Variants in SETBP1 observed in about 807,000 individuals in gnomAD.
SETBP1 encodes the protein SET-binding protein.
In SETBP1, 9 loss-of-function variants were observed where a neutral mutation model predicts 101.0. The observed-to-expected ratio is 0.09, with a 90% confidence interval of 0.05 to 0.16. SETBP1 has a LOEUF of 0.16. Ranked by LOEUF, SETBP1 falls within the 10% of genes least tolerant of loss-of-function variation. The pLI is 1.00. For synonymous variants in SETBP1, 818 were observed against 788.5 expected, an observed-to-expected ratio of 1.04 and a Z score of -0.63; for missense variants, 1,858 against 2,033.8, an observed-to-expected ratio of 0.91 and a Z score of 1.66.
At position 44,952,034 on chromosome 18, in the gene SETBP1, C is replaced by T; in HGVS notation, c.2694C>T (p.Ser898=). ...GGAGGTACTCTTTTGATTTCTGCTCCCTGGACAACCCGGAGGCCATTCCGT... is the reference window on the plus strand; with the variant it reads ...GGAGGTACTCTTTTGATTTCTGCTCTCTGGACAACCCGGAGGCCATTCCGT... ...SRRRYSFDFC[S]LDNPEAIPSD... is the part of the protein sequence containing the mutation. The change falls in exon 4 of 6, where the codon TCC becomes TCT. Residue 898 remains serine (S), a synonymous_variant. Transcript: ENST00000649279. 1 of 1,614,068 alleles carries T rather than the reference C, an allele frequency of 6.2e-7. No homozygotes were observed. The highest frequency in any genetic ancestry group is 8.5e-7 in the Non-Finnish European group (1 of 1,180,018).
rs146657346 is a variant in SETBP1, at chr18:44,996,244, C to A, written c.4001-42241C>A. On this transcript the variant is annotated intron_variant, in intron 4 of 5. Transcript: ENST00000649279. ...ATAGCCAGGAGCAATATTTGCTGGG[C>A]ACATGAAAAGTCTTCTCCAAAGAAT... Among the ~76,000 whole-genome samples the A allele has an allele frequency of 3.6e-3, 551 of 152,304 alleles. 2 individuals are homozygous for A. The highest frequency in any genetic ancestry group is 5.8e-3 in the Non-Finnish European group (398 of 68,036).
At chr18:44,945,018 C>T (rs532712862) in intron 3 of SETBP1, among the ~76,000 whole-genome samples, 198 of 151,976 alleles carry the variant, frequency 1.3e-3, no homozygotes, top group African/African-American at 4.6e-3. Flanking sequence ...TTTTTTTATA[C>T]TTTTAAGTTC....
At chr18:44,827,511 T>C (rs10502844) in intron 2 of SETBP1, among the ~76,000 whole-genome samples, 18,083 of 152,234 alleles carry the variant, frequency 0.12, 1,205 homozygotes, top group East Asian at 0.19. Flanking sequence ...ATTTCTTCAT[T>C]GCAACATATA....
At chr18:44,866,010 C>T (rs1354668988) in intron 2 of SETBP1, among the ~76,000 whole-genome samples, 2 of 152,234 alleles carry the variant, frequency 1.3e-5, no homozygotes, top group South Asian at 2.1e-4. Flanking sequence ...TGCACTAACA[C>T]ATCTGAACTG....
intron 4 of SETBP1, among the ~76,000 whole-genome samples, chr18:45,032,039 G>T (rs1215717124): frequency 2.0e-5 from 3 of 152,082 alleles, no homozygotes; most frequent in Non-Finnish European, 2.9e-5. Context: ...CCCTCCTTCT[G>T]CTTCTAGTTG....
At chr18:44,797,270 A>G (rs1278248030) in intron 2 of SETBP1, among the ~76,000 whole-genome samples, 1 of 152,180 alleles carries the variant, frequency 6.6e-6, no homozygotes, top group African/African-American at 2.4e-5. Flanking sequence ...ATATGTTTAA[A>G]TTTTTGAATA....
chr18:45,029,841 G>A (rs1039027500), intron 4 of SETBP1, among the ~76,000 whole-genome samples: 6 of 152,086 alleles, frequency 3.9e-5, no homozygotes, highest in Non-Finnish European at 8.8e-5. Context: ...GAATGCTTGT[G>A]ATTTTAGTAC....
intron 2 of SETBP1, among the ~76,000 whole-genome samples, chr18:44,818,264 T>G (rs912751158): frequency 2.0e-5 from 3 of 152,172 alleles, no homozygotes; most frequent in African/African-American, 7.2e-5. Context: ...AGAAAGGAAT[T>G]TATTCATGTC....
At chr18:44,733,920 T>A (rs573173555) in intron 2 of SETBP1, among the ~76,000 whole-genome samples, 1 of 152,264 alleles carries the variant, frequency 6.6e-6, no homozygotes, top group East Asian at 1.9e-4. Flanking sequence ...AATCCACAGA[T>A]GTGTGGCTGA....
chr18:44,696,316 A>G (rs2069017257), intron 1 of SETBP1, among the ~76,000 whole-genome samples: 1 of 152,202 alleles, frequency 6.6e-6, no homozygotes, highest in Non-Finnish European at 1.5e-5. Flanking sequence ...AGGGGTAATC[A>G]TATAGACCAG....
chr18:45,054,679 C>T (rs1003209524), intron 5 of SETBP1, among the ~76,000 whole-genome samples: 3 of 152,156 alleles, frequency 2.0e-5, no homozygotes, highest in African/African-American at 7.2e-5. Context: ...TCAGGACTGC[C>T]AAAATCTGGC....
chr18:44,779,632 G>A (rs1032041027), intron 2 of SETBP1, among the ~76,000 whole-genome samples: 3 of 152,132 alleles, frequency 2.0e-5, no homozygotes, highest in Admixed American at 6.5e-5. Context: ...GAGAGAGAAA[G>A]GTGGCTTACC....
At position 44,973,600 on chromosome 18, in the gene SETBP1, C is replaced by G. The variant is rs368205546; in HGVS notation, c.4000+20260C>G. 9.2e-5 allele frequency among the ~76,000 whole-genome samples: 14 copies of G among 152,156 alleles called. No homozygotes were observed. In the East Asian group the frequency reaches 2.3e-3, roughly 25 times the overall value. On this transcript the variant is annotated intron_variant, in intron 4 of 5. Coordinates refer to ENST00000649279, the MANE Select transcript of SETBP1 (RefSeq NM_015559.3). The stretch of plus-strand genomic sequence containing the variant: ...GATAGAGTCATCAATGCTTCCTGGA[C>G]GGCTAGAAAAGGCAGCATTTCATTA...
At chr18:44,979,110 G>A (rs1313391278) in intron 4 of SETBP1, among the ~76,000 whole-genome samples, 2 of 152,160 alleles carry the variant, frequency 1.3e-5, no homozygotes, top group African/African-American at 2.4e-5. Context: ...AGAGCCCAGG[G>A]AGGCTTTTCC....
chr18:44,926,750 AAACAAACAAACAAACAACAAC>A (rs1051190218), intron 3 of SETBP1, among the ~76,000 whole-genome samples: 3 of 70,688 alleles, frequency 4.2e-5, no homozygotes, highest in South Asian at 7.1e-4. Context: ...ATTTAAAAAC[AAACAAACAAACAAACAACAAC>A]AACAACAACA....
At chr18:44,945,882 G>T (rs1422265886) in intron 3 of SETBP1, among the ~76,000 whole-genome samples, 1 of 152,228 alleles carries the variant, frequency 6.6e-6, no homozygotes, top group Non-Finnish European at 1.5e-5. Flanking sequence ...AGACCACTAG[G>T]ATGGGAGGCA....
intron 4 of SETBP1, among the ~76,000 whole-genome samples, chr18:45,028,739 A>T (rs911172813): frequency 2.4e-4 from 36 of 152,030 alleles, no homozygotes; most frequent in African/African-American, 8.5e-4. Flanking sequence ...TGTGGTTTTG[A>T]TTTGCATTTC....
At chr18:44,758,528 G>T (rs987559167) in intron 2 of SETBP1, among the ~76,000 whole-genome samples, 1 of 152,026 alleles carries the variant, frequency 6.6e-6, no homozygotes, top group African/African-American at 2.4e-5. Context: ...GACTACAGGG[G>T]CCTGCCACCA....
chr18:44,728,993 G>A lies in SETBP1; in HGVS notation c.486+27161G>A, dbSNP rs79502103. ...ATAGAGTTCTAAGCCCTTTACATGT[G>A]TATTTCAAGTAGTCTCCATAAAACC... is the stretch of plus-strand genomic sequence containing the variant. On this transcript the variant is annotated intron_variant, in intron 2 of 5. Transcript: ENST00000649279. Among the ~76,000 whole-genome samples the A allele has an allele frequency of 1.1e-3, 164 of 152,268 alleles. 2 individuals are homozygous for A. In the East Asian group the frequency reaches 0.026, roughly 24 times the overall value.
Sources: gnomAD v4.1 joint callset for allele counts (sites outside exome capture counted in the v4.1 genomes callset) on GRCh38, gnomAD v4.1.1 for gene constraint, MANE v1.5 for transcripts, NCBI Gene and HGNC (gene_info 2026-07-23, HGNC 2026-07-21) for gene names.